ZPBP: variants seen among roughly 807,000 people sequenced by gnomAD.
ZPBP encodes zona pellucida binding protein.
Under a neutral mutation model 44.8 loss-of-function variants are expected in ZPBP, and 26 were observed. That is an observed-to-expected ratio of 0.58 (90% CI 0.43 to 0.81). The LOEUF (loss-of-function observed/expected upper bound fraction) is 0.81, where lower values mean the gene tolerates loss of function less well. ZPBP is among the 30% of genes least tolerant of loss of function. ZPBP has a pLI of 0.00. For synonymous variants in ZPBP, 174 were observed against 153.2 expected (o/e 1.14, Z -1.00); for missense variants, 409 against 434.0 (o/e 0.94, Z 0.51).
chr7:49,865,489 A>T (rs1027189431), intron 2 of ZPBP, among the ~76,000 whole-genome samples: 3 of 152,158 alleles, frequency 2.0e-5, no homozygotes, highest in African/African-American at 7.2e-5. Context: ...TAAGTGGCTG[A>T]TATGTCTGGG....
intron 7 of ZPBP, among the ~76,000 whole-genome samples, chr7:49,961,363 A>AAT: frequency 6.6e-6 from 1 of 152,184 alleles, no homozygotes; most frequent in Non-Finnish European, 1.5e-5. Flanking sequence ...TCAGACAAGG[A>AAT]ATATATATAC....
At chr7:49,907,043 A>G (rs1041375554) in intron 1 of ZPBP, among the ~76,000 whole-genome samples, 4 of 152,218 alleles carry the variant, frequency 2.6e-5, no homozygotes, top group African/African-American at 7.2e-5. Flanking sequence ...CACACAGTGG[A>G]GCCATAAAGA....
intron 1 of ZPBP, 126 bp from the exon 2 acceptor site, chr7:50,089,835 A>C: frequency 1.4e-6 from 1 of 737,764 alleles, no homozygotes; most frequent in Non-Finnish European, 2.4e-6. Flanking sequence ...GACAGTTGAT[A>C]TCACTGTTCC....
chr7:50,004,106 T>C (rs1332562983), intron 6 of ZPBP, among the ~76,000 whole-genome samples: 7 of 152,086 alleles, frequency 4.6e-5, no homozygotes, highest in Non-Finnish European at 1.0e-4. Flanking sequence ...GAGACTGACA[T>C]GTGAGTCAGG....
intron 7 of ZPBP, chr7:49,943,252 C>T (rs1339572447): frequency 6.6e-6 from 2 of 302,136 alleles, no homozygotes; most frequent in South Asian, 3.2e-5. Flanking sequence ...TGTTCAAGTA[C>T]AACATCAATG....
chr7:49,931,505 T>G (rs13238712), intron 1 of ZPBP, among the ~76,000 whole-genome samples: 7,703 of 152,254 alleles, frequency 0.051, 301 homozygotes, highest in Middle Eastern at 0.14. Context: ...TGGTGGCATT[T>G]TGCCCTGCCC....
intron 7 of ZPBP, among the ~76,000 whole-genome samples, chr7:49,977,705 T>TTTA (rs372008291): frequency 1.3e-5 from 2 of 152,288 alleles, no homozygotes; most frequent in East Asian, 3.9e-4. Flanking sequence ...AGTTGTCTAA[T>TTTA]TTATTATTGA....
downstream of ZPBP, among the ~76,000 whole-genome samples, chr7:49,846,831 G>T (rs530488862): frequency 3.9e-5 from 6 of 152,178 alleles, no homozygotes; most frequent in Admixed American, 1.3e-4. Flanking sequence ...TCATTTGACA[G>T]CCAGAGAAGT....
chr7:49,969,917 C>A (rs558034030), intron 7 of ZPBP, among the ~76,000 whole-genome samples: 1 of 151,686 alleles, frequency 6.6e-6, no homozygotes, highest in Non-Finnish European at 1.5e-5. Context: ...TGGAATGCAG[C>A]GGCACAATCT....
intron 3 of ZPBP, among the ~76,000 whole-genome samples, chr7:50,065,941 T>G (rs1801480545): frequency 1.3e-5 from 2 of 151,238 alleles, no homozygotes; most frequent in East Asian, 3.9e-4. Flanking sequence ...ACAGTAAAAT[T>G]TAAAGAACTG....
intron 1 of ZPBP, among the ~76,000 whole-genome samples, chr7:49,929,303 C>A (rs117555884): frequency 6.6e-6 from 1 of 152,156 alleles, no homozygotes; most frequent in Non-Finnish European, 1.5e-5. Flanking sequence ...GATGCACCTC[C>A]GCATCTTTTG....
In ZPBP at chr7:50,082,622, A is replaced by G. The variant is rs117723477; in HGVS notation, c.209-723T>C. On this transcript the variant is annotated intron_variant, in intron 2 of 7. Coordinates refer to ENST00000046087, the MANE Select transcript of ZPBP (RefSeq NM_007009.3). ...ACAAAGATTTCTGTGATCGAGTAAA[A>G]TAAAGAGAATCAAAATTCTCTTTGA... Among the ~76,000 whole-genome samples the G allele has an allele frequency of 1.5e-3, 223 of 151,942 alleles. 1 individual carries two copies. The highest frequency in any genetic ancestry group is 2.3e-3 in the Non-Finnish European group (157 of 67,822).
At position 50,024,480 on chromosome 7, in the gene ZPBP, G is replaced by C. The variant is rs537871700; in HGVS notation, c.707-6164C>G. Among the ~76,000 whole-genome samples, 24 of 151,638 alleles carry C rather than the reference G, an allele frequency of 1.6e-4. No individual in the cohort carries two copies. In the South Asian group the frequency reaches 5.0e-3, roughly 31 times the overall value. On this transcript the variant is annotated intron_variant, in intron 5 of 7. Coordinates refer to ENST00000046087, the MANE Select transcript of ZPBP (RefSeq NM_007009.3). ...AATGCATTATACACACACACACACA[G>C]AGGAATATTATTCAGCCTTAAAAAA... is the stretch of plus-strand genomic sequence containing the variant.
chr7:49,941,206 G>A (rs569407409), intron 7 of ZPBP, among the ~76,000 whole-genome samples: 1 of 152,236 alleles, frequency 6.6e-6, no homozygotes, highest in South Asian at 2.1e-4. Context: ...GTAAAATGGT[G>A]AAGCTACTAT....
chr7:49,864,342 TTA>T (rs1444036093), intron 2 of ZPBP, among the ~76,000 whole-genome samples: 1 of 152,192 alleles, frequency 6.6e-6, no homozygotes, highest in Non-Finnish European at 1.5e-5. Flanking sequence ...CCTTCACCCC[TTA>T]ACTGGATTTC....
chr7:49,895,852 T>G (rs538457917), intron 2 of ZPBP, among the ~76,000 whole-genome samples: 10 of 152,312 alleles, frequency 6.6e-5, no homozygotes, highest in African/African-American at 2.2e-4. Flanking sequence ...AATAATGAAG[T>G]TAAATGTATG....
intron 2 of ZPBP, among the ~76,000 whole-genome samples, chr7:49,889,411 T>C (rs1433391954): frequency 1.3e-5 from 2 of 152,180 alleles, no homozygotes; most frequent in Non-Finnish European, 2.9e-5. Flanking sequence ...CCCACATACT[T>C]GAAATTGTTA....
chr7:50,090,734 G>A (rs1410894927), intron 1 of ZPBP, among the ~76,000 whole-genome samples: 1 of 151,968 alleles, frequency 6.6e-6, no homozygotes, highest in African/African-American at 2.4e-5. Context: ...ATTTGGGCTG[G>A]TTCCATGTTT....
intron 6 of ZPBP, among the ~76,000 whole-genome samples, chr7:50,015,632 T>C (rs1584047140): frequency 6.6e-6 from 1 of 152,014 alleles, no homozygotes; most frequent in South Asian, 2.1e-4. Flanking sequence ...ACCTACAGAA[T>C]GGGAGAAAAT....
Sources: allele counts gnomAD v4.1 joint callset (sites outside exome capture counted in the v4.1 genomes callset), GRCh38; gene constraint gnomAD v4.1.1; transcripts MANE v1.5; gene names NCBI Gene and HGNC (gene_info 2026-07-23, HGNC 2026-07-21).